Variants in BTG4 observed in about 807,000 individuals in gnomAD.
BTG4 encodes the protein protein BTG4.
Under a neutral mutation model 19.3 loss-of-function variants are expected in BTG4, and 10 were observed. The ratio of observed to expected loss-of-function variants is 0.52; its 90% CI spans 0.32 to 0.88. BTG4 has a LOEUF of 0.88. BTG4 is among the 40% of genes least tolerant of loss of function. The pLI, the probability that BTG4 is intolerant of heterozygous loss-of-function variation, is 0.04. For missense variants in BTG4, 238 were observed against 281.9 expected, an observed-to-expected ratio of 0.84 and a Z score of 1.11; for synonymous variants, 91 against 95.7, an observed-to-expected ratio of 0.95 and a Z score of 0.29.
the BTG4 span, among the ~76,000 whole-genome samples, chr11:111,425,039 G>A: frequency 1.9e-4 from 29 of 152,260 alleles, no homozygotes; most frequent in East Asian, 2.1e-3. Context: ...TTTAGAAAGC[G>A]GATGAGCAGG....
the BTG4 span, chr11:111,400,984 C>T: frequency 7.3e-6 from 1 of 136,376 alleles, no homozygotes; most frequent in African/African-American, 2.8e-5. Context: ...GAGAAACTCA[C>T]AGAGCAGAGG....
chr11:111,437,163 G>A, the BTG4 span, among the ~76,000 whole-genome samples: 21 of 151,786 alleles, frequency 1.4e-4, no homozygotes, highest in East Asian at 3.5e-3. Context: ...CTGCTCCTCT[G>A]ACAGGGCACA....
At chr11:111,499,639 G>C (rs2135692590) in intron 1 of BTG4, among the ~76,000 whole-genome samples, 1 of 152,188 alleles carries the variant, frequency 6.6e-6, no homozygotes, top group East Asian at 1.9e-4. Context: ...CTCTAACTTA[G>C]CTGACAACAT....
intron 5 of BTG4, among the ~76,000 whole-genome samples, chr11:111,471,993 T>C (rs1390066776): frequency 6.6e-6 from 1 of 152,180 alleles, no homozygotes; most frequent in Non-Finnish European, 1.5e-5. Flanking sequence ...CAACCACTGC[T>C]CATCAACTAC....
At chr11:111,495,358 G>C in intron 4 of BTG4, 44 bp from the exon 5 acceptor site, 1 of 1,514,606 alleles carries the variant, frequency 6.6e-7, no homozygotes, top group Non-Finnish European at 9.1e-7. Flanking sequence ...CTAGCTGTAA[G>C]GACTAAATAT....
the BTG4 span, among the ~76,000 whole-genome samples, chr11:111,392,773 T>C: frequency 6.6e-6 from 1 of 152,166 alleles, no homozygotes. Context: ...CATAGTTTGC[T>C]AGCTAAGAGC....
chr11:111,413,847 C>A, the BTG4 span, among the ~76,000 whole-genome samples: 1 of 152,200 alleles, frequency 6.6e-6, no homozygotes, highest in African/African-American at 2.4e-5. Flanking sequence ...AAGGTACAAC[C>A]AGAGCCTTCC....
chr11:111,402,829 G>T, the BTG4 span, among the ~76,000 whole-genome samples: 2 of 151,816 alleles, frequency 1.3e-5, no homozygotes, highest in Non-Finnish European at 2.9e-5. Flanking sequence ...CTGCACAAAG[G>T]TCTAACTGTG....
chr11:111,394,978 A>G, the BTG4 span, among the ~76,000 whole-genome samples: 1 of 152,200 alleles, frequency 6.6e-6, no homozygotes, highest in Non-Finnish European at 1.5e-5. Context: ...CCATTTTATT[A>G]GAACGTATTC....
the BTG4 span, among the ~76,000 whole-genome samples, chr11:111,440,038 G>T: frequency 6.6e-6 from 1 of 152,204 alleles, no homozygotes; most frequent in Non-Finnish European, 1.5e-5. Flanking sequence ...CCTGTTCAGG[G>T]CTCAGCTGGG....
intron 5 of BTG4, among the ~76,000 whole-genome samples, chr11:111,487,750 A>G (rs1032103584): frequency 1.3e-5 from 2 of 152,228 alleles, no homozygotes; most frequent in Non-Finnish European, 2.9e-5. Context: ...ACTGAAAAAT[A>G]AATTCAGTAA....
chr11:111,480,585 A>C (rs1032807030), intron 5 of BTG4, among the ~76,000 whole-genome samples: 1 of 152,018 alleles, frequency 6.6e-6, no homozygotes, highest in African/African-American at 2.4e-5. Context: ...AAATTTTTTT[A>C]AATTGAAAAC....
chr11:111,443,430 G>A, the BTG4 span, among the ~76,000 whole-genome samples: 2 of 152,238 alleles, frequency 1.3e-5, no homozygotes, highest in African/African-American at 4.8e-5. Context: ...CCATATTAAT[G>A]TAAGCAGTTA....
chr11:111,488,038 T>A (rs1200276285), intron 5 of BTG4, among the ~76,000 whole-genome samples: 1 of 152,074 alleles, frequency 6.6e-6, no homozygotes, highest in Admixed American at 6.6e-5. Flanking sequence ...CCCAAAGCAG[T>A]CTACAGATTC....
chr11:111,439,829 C>T, the BTG4 span, among the ~76,000 whole-genome samples: 55 of 152,256 alleles, frequency 3.6e-4, no homozygotes, highest in Non-Finnish European at 6.5e-4. Flanking sequence ...CTCCTCCGCC[C>T]GGTCATTTTG....
At chr11:111,509,854 A>G (rs1452341580) in intron 1 of BTG4, among the ~76,000 whole-genome samples, 2 of 148,098 alleles carry the variant, frequency 1.4e-5, no homozygotes, top group African/African-American at 5.0e-5. Context: ...TATGTATTGA[A>G]GGGAGGGATA....
the BTG4 span, among the ~76,000 whole-genome samples, chr11:111,440,952 T>C: frequency 2.0e-5 from 3 of 152,164 alleles, no homozygotes; most frequent in Admixed American, 6.5e-5. Context: ...CACATCAACA[T>C]GTATGCAATA....
At chr11:111,486,917 T>C (rs1425882497) in intron 5 of BTG4, among the ~76,000 whole-genome samples, 2 of 152,118 alleles carry the variant, frequency 1.3e-5, no homozygotes, top group African/African-American at 2.4e-5. Context: ...TATCAACCCA[T>C]TACCTAGGTA....
chr11:111,405,012 T>C, the BTG4 span, among the ~76,000 whole-genome samples: 2 of 152,226 alleles, frequency 1.3e-5, no homozygotes, highest in Non-Finnish European at 2.9e-5. Flanking sequence ...AGCACTATGC[T>C]GGTCATAGTG....
Sources: allele counts gnomAD v4.1 joint callset (sites outside exome capture counted in the v4.1 genomes callset), GRCh38; gene constraint gnomAD v4.1.1; transcripts MANE v1.5; gene names NCBI Gene and HGNC (gene_info 2026-07-23, HGNC 2026-07-21).